The following SLA2 variants were observed in gnomAD, a reference collection of about 807,000 sequenced individuals.
The protein encoded by SLA2 is Src like adaptor 2, also known as src-like-adapter 2.
A neutral mutation model predicts 27.3 loss-of-function variants in SLA2; 22 were observed. That is an observed-to-expected ratio of 0.81 (90% CI 0.58 to 1.15). SLA2 has a LOEUF of 1.15. Ranked by LOEUF, SLA2 falls within the 50% of genes most tolerant of loss-of-function variation. The probability of loss-of-function intolerance (pLI) is 0.00; values close to 1 mark genes in which losing one functional copy is unlikely to be tolerated. For synonymous variants in SLA2, 131 were observed against 137.8 expected, an observed-to-expected ratio of 0.95 and a Z score of 0.34; for missense variants, 304 against 322.2, an observed-to-expected ratio of 0.94 and a Z score of 0.43.
Position 36,627,649 on chromosome 20 carries a change from G to C in SLA2, c.382+4946C>G, listed in dbSNP as rs774408305. On this transcript the variant is annotated intron_variant, in intron 5 of 7. Transcript: ENST00000262866. ...ACAGCGCAGAGGGGCTGCTGCTGGGGCCTGTCCCTAACCCTGTGCTGACCT... is the reference window on the plus strand; with the variant it reads ...ACAGCGCAGAGGGGCTGCTGCTGGGCCCTGTCCCTAACCCTGTGCTGACCT... 8.3e-4 allele frequency among the ~76,000 whole-genome samples: 127 copies of C among 152,194 alleles called. 1 individual carries two copies. The highest frequency in any genetic ancestry group is 3.2e-4 in the Non-Finnish European group (22 of 68,022).
chr20:36,632,949 C>T (rs1005479678), intron 4 of SLA2, among the ~76,000 whole-genome samples: 2 of 152,156 alleles, frequency 1.3e-5, no homozygotes, highest in Admixed American at 6.5e-5. Flanking sequence ...GCCTGGAGAC[C>T]TCATTCCCCC....
At chr20:36,614,741 C>G in intron 6 of SLA2, 1 of 985,432 alleles carries the variant, frequency 1.0e-6, no homozygotes, top group Non-Finnish European at 1.2e-6. Context: ...TACTTCTACT[C>G]ACTGTCTACT....
intron 1 of SLA2, among the ~76,000 whole-genome samples, chr20:36,642,876 C>T (rs1455351159): frequency 6.6e-6 from 1 of 151,988 alleles, no homozygotes; most frequent in African/African-American, 2.4e-5. Flanking sequence ...TGAGCCACCG[C>T]ACCCGGTCCT....
chr20:36,623,792 C>T (rs2039309318), intron 5 of SLA2, among the ~76,000 whole-genome samples: 1 of 152,060 alleles, frequency 6.6e-6, no homozygotes, highest in Non-Finnish European at 1.5e-5. Flanking sequence ...CCACGCCTGG[C>T]CTGTATTCTG....
intron 1 of SLA2, among the ~76,000 whole-genome samples, chr20:36,643,815 G>A (rs1437609289): frequency 6.6e-6 from 1 of 152,140 alleles, no homozygotes. Flanking sequence ...AGCCGGGTGT[G>A]GTGGTGGGTA....
chr20:36,644,575 C>T (rs1978286208), intron 1 of SLA2, among the ~76,000 whole-genome samples: 1 of 152,232 alleles, frequency 6.6e-6, no homozygotes, highest in Non-Finnish European at 1.5e-5. Flanking sequence ...GGGAGCTGTA[C>T]TCAGGCTGAA....
rs1283181359 is a variant in SLA2 at position 36,616,105 on chromosome 20, A to G, written c.383-731T>C. Among the ~76,000 whole-genome samples, 7 of 152,312 alleles carry G rather than the reference A, an allele frequency of 4.6e-5. No homozygotes were observed. The East Asian group carries it at 9.6e-4, about 21-fold the overall frequency. On this transcript the variant is annotated intron_variant, in intron 5 of 7. Transcript: ENST00000262866. ...ACATGACATTATATGTTGCACAGGC[A>G]CACACGGCAAAGCTCTGAAGAAAAG...
chr20:36,612,406 A>AGAGTT lies in SLA2; in HGVS notation c.*1455_*1459dup. The AGAGTT allele has an allele frequency of 1.6e-6, 1 of 643,300 alleles. No homozygotes were observed. The highest frequency in any genetic ancestry group is 2.7e-6 in the Non-Finnish European group (1 of 371,544). 39.8% of individuals were successfully genotyped at this position (643,300 alleles called of 1,614,324 possible). On this transcript the variant is annotated 3_prime_UTR_variant, in exon 8 of 8. Coordinates refer to ENST00000262866, the MANE Select transcript of SLA2 (RefSeq NM_032214.4). ...TCTTCCTCGATTCTCCATCGGGTGT[A>AGAGTT]GAGTTTTTAAACTATCAATGGCATT...
intron 6 of SLA2, chr20:36,614,817 C>T: frequency 1.0e-6 from 1 of 985,404 alleles, no homozygotes; most frequent in Non-Finnish European, 1.2e-6. Context: ...CCCTCTCTGC[C>T]CCCTGACGCT....
intron 1 of SLA2, among the ~76,000 whole-genome samples, chr20:36,644,251 C>G (rs1229560255): frequency 6.6e-6 from 1 of 152,008 alleles, no homozygotes; most frequent in Non-Finnish European, 1.5e-5. Context: ...TTTTACAAAC[C>G]CAAGACCAGG....
chr20:36,640,706 G>A (rs1273021117), intron 2 of SLA2, among the ~76,000 whole-genome samples: 3 of 151,920 alleles, frequency 2.0e-5, no homozygotes, highest in African/African-American at 4.8e-5. Context: ...TAGTAGAGAC[G>A]GGGTTTCACC....
At chr20:36,616,346 T>G (rs1422409827) in intron 5 of SLA2, among the ~76,000 whole-genome samples, 1 of 150,666 alleles carries the variant, frequency 6.6e-6, no homozygotes, top group Admixed American at 6.6e-5. Context: ...TTTTTTTTTT[T>G]TGGAGACAGA....
chr20:36,634,024 G>T (rs955526632), intron 3 of SLA2, among the ~76,000 whole-genome samples: 1 of 151,572 alleles, frequency 6.6e-6, no homozygotes, highest in Non-Finnish European at 1.5e-5. Context: ...AGTTTTGCTC[G>T]TCGCCCAGGC....
rs1419024942 is a variant in SLA2, at chr20:36,612,868, C to T, written c.*998G>A. 1 of 154,930 alleles carries T rather than the reference C, an allele frequency of 6.5e-6. No individual in the cohort carries two copies. Among genetic ancestry groups the T allele is most frequent in the Non-Finnish European group, 1.4e-5 (1 of 69,754 alleles). 9.6% of individuals were successfully genotyped at this position (154,930 alleles called of 1,614,324 possible). ...TAAGAGGTGTTATTTTTTATTCGGCCACAAGATGGCAAGGCCAGTGTGCTA... is the reference window on the plus strand; with the variant it reads ...TAAGAGGTGTTATTTTTTATTCGGCTACAAGATGGCAAGGCCAGTGTGCTA... On this transcript the variant is annotated 3_prime_UTR_variant, in exon 8 of 8. Coordinates refer to ENST00000262866, the MANE Select transcript of SLA2 (RefSeq NM_032214.4).
At chr20:36,614,817 C>G (rs2039188598) in intron 6 of SLA2, 1 of 985,286 alleles carries the variant, frequency 1.0e-6, no homozygotes, top group African/African-American at 1.7e-5. Context: ...CCCTCTCTGC[C>G]CCCTGACGCT....
chr20:36,629,040 G>A (rs761779853), intron 5 of SLA2, among the ~76,000 whole-genome samples: 1 of 151,080 alleles, frequency 6.6e-6, no homozygotes, highest in Non-Finnish European at 1.5e-5. Context: ...GGGACCTGGA[G>A]ACCTTAGTCC....
intron 1 of SLA2, among the ~76,000 whole-genome samples, chr20:36,643,718 G>A (rs1164633789): frequency 6.6e-6 from 1 of 152,164 alleles, no homozygotes; most frequent in South Asian, 2.1e-4. Flanking sequence ...TTGGGAGGCC[G>A]AGGTGGGCAG....
At chr20:36,625,066 T>A (rs2039322490) in intron 5 of SLA2, among the ~76,000 whole-genome samples, 1 of 152,100 alleles carries the variant, frequency 6.6e-6, no homozygotes, top group Non-Finnish European at 1.5e-5. Flanking sequence ...TGCTGGACAC[T>A]CTGCTCTGGG....
chr20:36,625,853 G>T (rs946914929), intron 5 of SLA2, among the ~76,000 whole-genome samples: 4 of 151,750 alleles, frequency 2.6e-5, no homozygotes, highest in African/African-American at 7.3e-5. Flanking sequence ...AGCTGGGTGT[G>T]GTGGCTCATG....
Sources: allele counts gnomAD v4.1 joint callset (sites outside exome capture counted in the v4.1 genomes callset), GRCh38; gene constraint gnomAD v4.1.1; transcripts MANE v1.5; gene names NCBI Gene and HGNC (gene_info 2026-07-23, HGNC 2026-07-21).